CAST: variants seen among roughly 807,000 people sequenced by gnomAD.
CAST encodes the protein calpastatin.
CAST carries 76 observed loss-of-function variants against 119.6 expected under a neutral mutation model. The observed-to-expected ratio is 0.64, with a 90% CI of 0.53 to 0.77. The LOEUF (loss-of-function observed/expected upper bound fraction) is 0.77. Among genes scored for constraint, CAST ranks in the 30% least tolerant of loss-of-function variants. The probability of loss-of-function intolerance (pLI) is 0.00; values close to 1 mark genes in which losing one functional copy is unlikely to be tolerated. For missense variants in CAST, 953 were observed against 946.5 expected, an observed-to-expected ratio of 1.01 and a Z score of -0.09; for synonymous variants, 319 against 331.6, an observed-to-expected ratio of 0.96 and a Z score of 0.41.
chr5:96,332,657 T>C, the CAST span, among the ~76,000 whole-genome samples: 1 of 152,044 alleles, frequency 6.6e-6, no homozygotes, highest in Non-Finnish European at 1.5e-5. Flanking sequence ...TGTGACATGA[T>C]GGGGTAGTTT....
At chr5:96,298,879 A>AGAGTGTGTGTGTGTGT in the CAST span, among the ~76,000 whole-genome samples, 3 of 149,588 alleles carry the variant, frequency 2.0e-5, no homozygotes, top group African/African-American at 7.4e-5. Flanking sequence ...AAATTAGGAG[A>AGAGTGTGTGTGTGTGT]GTGTGTGTGT....
chr5:96,471,656 A>G, the CAST span, among the ~76,000 whole-genome samples: 1 of 152,168 alleles, frequency 6.6e-6, no homozygotes, highest in African/African-American at 2.4e-5. Context: ...ACAGAAAATC[A>G]TTCAAGATCT....
chr5:96,246,427 T>C, the CAST span, among the ~76,000 whole-genome samples: 3 of 152,228 alleles, frequency 2.0e-5, no homozygotes, highest in African/African-American at 7.2e-5. Context: ...CCTTGTGATC[T>C]GCCCGCCTCA....
chr5:96,716,812 G>T (rs936354963), intron 3 of CAST, among the ~76,000 whole-genome samples: 7 of 152,106 alleles, frequency 4.6e-5, no homozygotes, highest in African/African-American at 1.7e-4. Context: ...TTTGCGGTTT[G>T]CCTAAATTGC....
chr5:96,598,113 T>A (rs112812204), intron 1 of CAST, among the ~76,000 whole-genome samples: 3 of 152,116 alleles, frequency 2.0e-5, no homozygotes, highest in African/African-American at 7.2e-5. Flanking sequence ...ACCTGCTTGA[T>A]GAGAATTCGC....
chr5:96,470,165 A>C, the CAST span, among the ~76,000 whole-genome samples: 1 of 151,200 alleles, frequency 6.6e-6, no homozygotes, highest in African/African-American at 2.4e-5. Flanking sequence ...AACGAAAAAA[A>C]CTATCCTTAA....
the CAST span, among the ~76,000 whole-genome samples, chr5:96,146,710 C>T: frequency 6.6e-6 from 1 of 152,048 alleles, no homozygotes; most frequent in Non-Finnish European, 1.5e-5. Flanking sequence ...GGTAACTAAC[C>T]CTAGTGCTGC....
At chr5:96,186,409 C>T in the CAST span, among the ~76,000 whole-genome samples, 2 of 152,134 alleles carry the variant, frequency 1.3e-5, no homozygotes, top group Non-Finnish European at 2.9e-5. Context: ...TGAGACAGGG[C>T]ATCCTTGTCT....
chr5:96,087,030 A>G, the CAST span, among the ~76,000 whole-genome samples: 1 of 152,222 alleles, frequency 6.6e-6, no homozygotes, highest in South Asian at 2.1e-4. Flanking sequence ...AAAAGAAGCA[A>G]CTCTAAAAGT....
At chr5:96,495,874 C>A in the CAST span, among the ~76,000 whole-genome samples, 1 of 152,108 alleles carries the variant, frequency 6.6e-6, no homozygotes, top group Non-Finnish European at 1.5e-5. Flanking sequence ...TACAGATCTT[C>A]AATGCAGAGG....
the CAST span, among the ~76,000 whole-genome samples, chr5:96,193,634 G>T: frequency 5.4e-3 from 814 of 152,132 alleles, 6 homozygotes; most frequent in African/African-American, 0.018. Context: ...TGTAACTTGG[G>T]GTTGTATAAC....
the CAST span, among the ~76,000 whole-genome samples, chr5:96,233,436 T>G: frequency 1.3e-5 from 2 of 152,130 alleles, no homozygotes; most frequent in Non-Finnish European, 2.9e-5. Context: ...GTAACTTGTG[T>G]TACATTACTC....
the CAST span, among the ~76,000 whole-genome samples, chr5:96,438,172 G>A: frequency 2.0e-5 from 3 of 151,950 alleles, no homozygotes; most frequent in East Asian, 5.8e-4. Flanking sequence ...ATAGAATATA[G>A]TATAGTTGGC....
At chr5:95,961,782 C>A in the CAST span, 1 of 1,503,114 alleles carries the variant, frequency 6.7e-7, no homozygotes, top group South Asian at 1.3e-5. Flanking sequence ...ACTGCGGCCG[C>A]GGCTGCTTGG....
chr5:96,333,474 G>A, the CAST span, among the ~76,000 whole-genome samples: 5 of 152,088 alleles, frequency 3.3e-5, no homozygotes, highest in Non-Finnish European at 5.9e-5. Flanking sequence ...AAGGAATGGG[G>A]CCCCATGAGC....
the CAST span, among the ~76,000 whole-genome samples, chr5:96,314,373 T>G: frequency 1.6e-4 from 24 of 152,170 alleles, no homozygotes; most frequent in Non-Finnish European, 1.3e-4. Context: ...GATCACTTGC[T>G]TTTGTTAGGC....
In CAST at chr5:96,561,786, G is replaced by GTTTTTTTTTTGTT. The variant is rs1554067776; in HGVS notation, c.60+31915_60+31916insTGTTTTTTTTTTT. Among the ~76,000 whole-genome samples the GTTTTTTTTTTGTT allele has an allele frequency of 9.5e-5, 10 of 105,440 alleles. No homozygotes were observed. The East Asian group carries it at 1.1e-3, about 12-fold the overall frequency. The allele number at this position is 105,440 out of a possible 152,430, so 69.2% of individuals were successfully genotyped here. A position where few individuals can be genotyped will look rare whatever the true frequency, so the allele number is the denominator to read the frequency against. ...ATGTATATATGTGTATTATATATATGTTTTTTTTTGTTTTTTTTTTTTTTG... is the reference window on the plus strand; with the variant it reads ...ATGTATATATGTGTATTATATATATGTTTTTTTTTTGTTTTTTTTTTTGTTTTTTTTTTTTTTG... On this transcript the variant is annotated intron_variant, in intron 1 of 11. Coordinates refer to the CAST transcript ENST00000505143.
chr5:96,270,879 G>GA, the CAST span, among the ~76,000 whole-genome samples: 304 of 138,798 alleles, frequency 2.2e-3, 3 homozygotes, highest in South Asian at 3.4e-3. Flanking sequence ...AAAAGATTAA[G>GA]AAAAAAAAAA....
At chr5:96,240,932 AATACT>A in the CAST span, among the ~76,000 whole-genome samples, 1 of 152,078 alleles carries the variant, frequency 6.6e-6, no homozygotes, top group African/African-American at 2.4e-5. Flanking sequence ...TCACATATTG[AATACT>A]ATACAGCTAC....
Sources: allele counts gnomAD v4.1 joint callset (sites outside exome capture counted in the v4.1 genomes callset), GRCh38; gene constraint gnomAD v4.1.1; transcripts MANE v1.5; gene names NCBI Gene and HGNC (gene_info 2026-07-23, HGNC 2026-07-21).